The following CTNNA3 variants were observed in gnomAD, a reference collection of about 807,000 sequenced individuals.
The protein encoded by CTNNA3 is catenin alpha 3.
In CTNNA3, 76 loss-of-function variants were observed where a neutral mutation model predicts 95.7. The ratio of observed to expected loss-of-function variants is 0.79; its 90% CI spans 0.66 to 0.96. CTNNA3 has a LOEUF of 0.96. Among genes scored for constraint, CTNNA3 ranks in the 40% least tolerant of loss-of-function variants. The pLI, the probability that CTNNA3 is intolerant of heterozygous loss-of-function variation, is 0.00. For missense variants in CTNNA3, 1,191 were observed against 1,089.8 expected, an observed-to-expected ratio of 1.09 and a Z score of -1.31; for synonymous variants, 431 against 374.4, an observed-to-expected ratio of 1.15 and a Z score of -1.74.
chr10:67,055,431 G>GC (rs56060443), intron 7 of CTNNA3, among the ~76,000 whole-genome samples: 83,729 of 151,830 alleles, frequency 0.55, 23,432 homozygotes, highest in East Asian at 0.78. Flanking sequence ...CACAGTTCCT[G>GC]TCCAAAGGGA....
chr10:66,662,680 T>C (rs1293106946), intron 9 of CTNNA3, among the ~76,000 whole-genome samples: 1 of 152,086 alleles, frequency 6.6e-6, no homozygotes, highest in East Asian at 1.9e-4. Flanking sequence ...GTATTTCTAC[T>C]ACAATTGTTG....
At chr10:67,557,908 A>C (rs1426594898) in intron 3 of CTNNA3, among the ~76,000 whole-genome samples, 7 of 152,180 alleles carry the variant, frequency 4.6e-5, no homozygotes, top group Non-Finnish European at 1.0e-4. Flanking sequence ...GGCTGCCCTA[A>C]AAGAACAAAT....
At chr10:67,537,943 T>A (rs1338239188) in intron 4 of CTNNA3, among the ~76,000 whole-genome samples, 1 of 151,932 alleles carries the variant, frequency 6.6e-6, no homozygotes, top group Non-Finnish European at 1.5e-5. Flanking sequence ...TGAGAACAAT[T>A]CCCTTTCCTA....
intron 8 of CTNNA3, among the ~76,000 whole-genome samples, chr10:66,769,971 C>T (rs1413317370): frequency 6.6e-6 from 1 of 152,186 alleles, no homozygotes; most frequent in African/African-American, 2.4e-5. Context: ...CCCATCTAAA[C>T]AGGTACCTTT....
At chr10:66,333,692 G>T (rs538270943) in intron 12 of CTNNA3, among the ~76,000 whole-genome samples, 4,529 of 151,674 alleles carry the variant, frequency 0.03, 224 homozygotes, top group African/African-American at 0.1. Context: ...GTGCTGAAAA[G>T]AATGTATATT....
chr10:66,483,614 T>A (rs199831374), intron 11 of CTNNA3, among the ~76,000 whole-genome samples: 17 of 152,280 alleles, frequency 1.1e-4, no homozygotes, highest in African/African-American at 3.8e-4. Flanking sequence ...CTCCTACACC[T>A]CTATTCAGCT....
chr10:66,834,951 C>T (rs1411249137), intron 7 of CTNNA3, among the ~76,000 whole-genome samples: 2 of 152,148 alleles, frequency 1.3e-5, no homozygotes, highest in Non-Finnish European at 2.9e-5. Flanking sequence ...ACACCCTGTT[C>T]AACCTGGTGA....
At chr10:65,997,687 C>T (rs2078691854) in intron 15 of CTNNA3, among the ~76,000 whole-genome samples, 1 of 152,118 alleles carries the variant, frequency 6.6e-6, no homozygotes, top group Admixed American at 6.6e-5. Context: ...TTTTGTCCCT[C>T]TCAGTTCTCC....
chr10:67,025,808 C>T (rs10822963), intron 7 of CTNNA3, among the ~76,000 whole-genome samples: 48,619 of 151,606 alleles, frequency 0.32, 9,219 homozygotes, highest in East Asian at 0.64. Context: ...CACATGCACA[C>T]GTATGATTAT....
intron 13 of CTNNA3, among the ~76,000 whole-genome samples, chr10:66,250,223 A>G (rs1422075191): frequency 6.6e-6 from 1 of 152,154 alleles, no homozygotes; most frequent in Non-Finnish European, 1.5e-5. Context: ...AATTAAATCA[A>G]TTGAATTCGT....
intron 9 of CTNNA3, among the ~76,000 whole-genome samples, chr10:66,709,615 C>T (rs1432448957): frequency 6.6e-6 from 1 of 152,094 alleles, no homozygotes; most frequent in African/African-American, 2.4e-5. Context: ...ATTACTTCTT[C>T]ACTCACTTAT....
At chr10:66,104,875 C>T (rs2081823300) in intron 13 of CTNNA3, among the ~76,000 whole-genome samples, 2 of 152,128 alleles carry the variant, frequency 1.3e-5, no homozygotes, top group South Asian at 2.1e-4. Context: ...CTGCCAATAG[C>T]CTTTCATCCC....
At chr10:65,932,904 T>C (rs2077277192) in intron 17 of CTNNA3, among the ~76,000 whole-genome samples, 1 of 152,146 alleles carries the variant, frequency 6.6e-6, no homozygotes, top group East Asian at 1.9e-4. Flanking sequence ...TGCTCGCTCA[T>C]TCTACTGCAC....
chr10:67,549,936 T>C (rs998803420), intron 3 of CTNNA3, among the ~76,000 whole-genome samples: 1 of 152,200 alleles, frequency 6.6e-6, no homozygotes, highest in Non-Finnish European at 1.5e-5. Flanking sequence ...TCACAGAGAA[T>C]GTTTGCTGAT....
intron 9 of CTNNA3, among the ~76,000 whole-genome samples, chr10:66,628,280 C>T (rs1411105033): frequency 6.6e-6 from 1 of 151,826 alleles, no homozygotes; most frequent in Non-Finnish European, 1.5e-5. Context: ...TTTTAAAGTC[C>T]TGTGTACAAC....
chr10:67,475,685 T>C (rs1330348544), intron 5 of CTNNA3, among the ~76,000 whole-genome samples: 1 of 152,228 alleles, frequency 6.6e-6, no homozygotes, highest in Non-Finnish European at 1.5e-5. Context: ...CTGAAACTCT[T>C]AATTTCAAAG....
At chr10:66,420,800 A>G (rs1175960874) in intron 11 of CTNNA3, among the ~76,000 whole-genome samples, 1 of 111,582 alleles carries the variant, frequency 9.0e-6, no homozygotes, top group Non-Finnish European at 1.7e-5. Context: ...CTCTGTCTCA[A>G]ATAAATAAAT....
At chr10:66,007,022 C>T (rs892199564) in intron 15 of CTNNA3, among the ~76,000 whole-genome samples, 5 of 152,190 alleles carry the variant, frequency 3.3e-5, no homozygotes, top group East Asian at 3.9e-4. Context: ...GCATGCCCCC[C>T]GCACCCCCAC....
At chr10:67,045,107 C>T (rs1218248476) in intron 7 of CTNNA3, among the ~76,000 whole-genome samples, 3 of 152,152 alleles carry the variant, frequency 2.0e-5, no homozygotes, top group Admixed American at 6.5e-5. Context: ...CTACCAGATA[C>T]GTGATGCTAC....
Sources: gnomAD v4.1 joint callset for allele counts (sites outside exome capture counted in the v4.1 genomes callset) on GRCh38, gnomAD v4.1.1 for gene constraint, MANE v1.5 for transcripts, NCBI Gene and HGNC (gene_info 2026-07-23, HGNC 2026-07-21) for gene names.